Variants in DRC8 observed in about 807,000 individuals in gnomAD.
DRC8 encodes the protein dynein regulatory complex subunit 8, also known as dynein regulatory complex protein 8.
At chr1:245,096,713 T>C in the DRC8 span, among the ~76,000 whole-genome samples, 2 of 152,248 alleles carry the variant, frequency 1.3e-5, no homozygotes, top group East Asian at 1.9e-4. Flanking sequence ...TGTGTTCACA[T>C]TGGCAATTCT....
the DRC8 span, among the ~76,000 whole-genome samples, chr1:245,010,116 C>T: frequency 6.6e-6 from 1 of 152,184 alleles, no homozygotes; most frequent in African/African-American, 2.4e-5. Flanking sequence ...CCACCTCGGC[C>T]TCCCAAAGTG....
chr1:245,094,822 G>A, the DRC8 span, among the ~76,000 whole-genome samples: 6 of 152,156 alleles, frequency 3.9e-5, no homozygotes, highest in Non-Finnish European at 8.8e-5. Flanking sequence ...AAAAGAAGAG[G>A]AAAACCCCTT....
chr1:245,049,695 G>A, the DRC8 span, among the ~76,000 whole-genome samples: 2 of 152,198 alleles, frequency 1.3e-5, no homozygotes, highest in African/African-American at 4.8e-5. This position sits in a 1 kb window ranked among gnomAD's most constrained non-coding sequence, Gnocchi z 4.5. Context: ...TACGGTCAAA[G>A]CTCCCGTGGG....
chr1:244,987,759 C>CT, the DRC8 span, among the ~76,000 whole-genome samples: 1 of 151,640 alleles, frequency 6.6e-6, no homozygotes, highest in African/African-American at 2.4e-5. Flanking sequence ...TCTTTACCTT[C>CT]TTTTTTGTAT....
the DRC8 span, chr1:245,107,185 G>A: frequency 2.0e-5 from 3 of 152,380 alleles, no homozygotes; most frequent in Non-Finnish European, 4.4e-5. Flanking sequence ...AAATGGCTAC[G>A]TCAAGGAGTC....
chr1:245,068,925 A>G, the DRC8 span, among the ~76,000 whole-genome samples: 1 of 152,142 alleles, frequency 6.6e-6, no homozygotes, highest in African/African-American at 2.4e-5. Context: ...TCTGTGCATC[A>G]CTCAGACACA....
chr1:245,071,864 A>G, the DRC8 span, among the ~76,000 whole-genome samples: 1 of 152,226 alleles, frequency 6.6e-6, no homozygotes, highest in Non-Finnish European at 1.5e-5. Context: ...GTGGAATGGA[A>G]TGCTGTGCAG....
At chr1:245,011,976 G>C in the DRC8 span, among the ~76,000 whole-genome samples, 1 of 152,188 alleles carries the variant, frequency 6.6e-6, no homozygotes, top group African/African-American at 2.4e-5. Flanking sequence ...AGCACTTTGG[G>C]AGGTCACGGG....
At chr1:245,043,559 T>C in the DRC8 span, among the ~76,000 whole-genome samples, 19 of 152,244 alleles carry the variant, frequency 1.2e-4, no homozygotes, top group Non-Finnish European at 2.2e-4. Flanking sequence ...GTTAGCGTTT[T>C]TTTAATCCCA....
chr1:244,996,287 G>A, the DRC8 span, among the ~76,000 whole-genome samples: 1 of 152,088 alleles, frequency 6.6e-6, no homozygotes, highest in East Asian at 1.9e-4. Context: ...TAAGAGGGGT[G>A]TGGGGGGGCC....
the DRC8 span, among the ~76,000 whole-genome samples, chr1:245,044,864 G>A: frequency 4.6e-5 from 7 of 151,344 alleles, no homozygotes; most frequent in African/African-American, 1.5e-4. Flanking sequence ...CCCCAACAAA[G>A]TGCTGGGATT....
At chr1:244,970,396 C>G in the DRC8 span, 7 of 1,538,542 alleles carry the variant, frequency 4.5e-6, no homozygotes, top group Non-Finnish European at 6.1e-6. Context: ...AGGCATCTCC[C>G]AGGCGACCGG....
the DRC8 span, among the ~76,000 whole-genome samples, chr1:244,991,842 C>T: frequency 0.049 from 7,444 of 152,128 alleles, 270 homozygotes; most frequent in Non-Finnish European, 0.077. Flanking sequence ...TCATGTGGTT[C>T]GAGCCTTGTA....
chr1:245,038,424 C>T, the DRC8 span, among the ~76,000 whole-genome samples: 76,456 of 151,894 alleles, frequency 0.5, 21,380 homozygotes, highest in East Asian at 0.72. Flanking sequence ...GAGCTGAGAC[C>T]GTGCCACTGC....
chr1:244,988,254 C>T, the DRC8 span, among the ~76,000 whole-genome samples: 3 of 152,154 alleles, frequency 2.0e-5, no homozygotes, highest in East Asian at 1.9e-4. Context: ...TGGGCTCAAG[C>T]GATCCTCCCG....
the DRC8 span, among the ~76,000 whole-genome samples, chr1:244,988,339 AG>A: frequency 6.6e-6 from 1 of 152,156 alleles, no homozygotes; most frequent in Non-Finnish European, 1.5e-5. Context: ...TTATCAATTA[AG>A]TGGCATTTTG....
chr1:245,076,687 C>A, the DRC8 span, among the ~76,000 whole-genome samples: 1 of 151,782 alleles, frequency 6.6e-6, no homozygotes, highest in Admixed American at 6.6e-5. Flanking sequence ...CCAATTGCAC[C>A]ATTTTTTCTG....
the DRC8 span, among the ~76,000 whole-genome samples, chr1:244,976,606 G>C: frequency 2.0e-5 from 3 of 152,194 alleles, no homozygotes; most frequent in Non-Finnish European, 4.4e-5. Context: ...ACGCCTGTTA[G>C]GAAGGCTATT....
the DRC8 span, among the ~76,000 whole-genome samples, chr1:245,118,852 C>T: frequency 0.38 from 45,009 of 118,430 alleles, 7,289 homozygotes; most frequent in African/African-American, 0.47. Context: ...ATAATGATAA[C>T]AACAGTTGAT....
Sources: gnomAD v4.1 joint callset for allele counts (sites outside exome capture counted in the v4.1 genomes callset) on GRCh38, gnomAD v4.1.1 for gene constraint, Gnocchi (gnomAD v3.1) non-coding constraint, MANE v1.5 for transcripts, NCBI Gene and HGNC (gene_info 2026-07-23, HGNC 2026-07-21) for gene names.